The following ARHGAP31 variants were observed in gnomAD, a reference collection of about 807,000 sequenced individuals.
The protein encoded by ARHGAP31 is rho GTPase-activating protein 31.
Under a neutral mutation model 113.9 loss-of-function variants are expected in ARHGAP31, and 34 were observed. That is an observed-to-expected ratio of 0.30 (90% CI 0.23 to 0.40). The LOEUF (loss-of-function observed/expected upper bound fraction) is 0.40. Among genes scored for constraint, ARHGAP31 ranks in the 10% least tolerant of loss-of-function variants. The pLI is 1.00. For missense variants in ARHGAP31, 1,548 were observed against 1,767.1 expected, an observed-to-expected ratio of 0.88 and a Z score of 2.22; for synonymous variants, 650 against 684.8, an observed-to-expected ratio of 0.95 and a Z score of 0.79.
chr3:119,349,184 T>G, intron 1 of ARHGAP31, among the ~76,000 whole-genome samples: 1 of 152,176 alleles, frequency 6.6e-6, no homozygotes, highest in East Asian at 1.9e-4. Context: ...CTGTCAGAGA[T>G]ATGGAGAGAA....
intron 10 of ARHGAP31, among the ~76,000 whole-genome samples, chr3:119,403,619 T>A (rs141149933): frequency 0.015 from 2,352 of 152,250 alleles, 25 homozygotes; most frequent in Middle Eastern, 0.031. Flanking sequence ...CAAAGCATCA[T>A]GAAAGAGGTG....
chr3:119,300,853 AG>A (rs201935277), intron 1 of ARHGAP31, among the ~76,000 whole-genome samples: 1 of 138,138 alleles, frequency 7.2e-6, no homozygotes, highest in African/African-American at 2.6e-5. Context: ...AAAGAAAGAA[AG>A]AAAGAAAGAA....
At chr3:119,359,364 A>C (rs186108242) in intron 1 of ARHGAP31, among the ~76,000 whole-genome samples, 80 of 152,260 alleles carry the variant, frequency 5.3e-4, no homozygotes, top group African/African-American at 1.8e-3. Context: ...CTTAAAAGGA[A>C]ACTTTTCTCC....
chr3:119,415,788 A>G lies in ARHGAP31; in HGVS notation c.3859A>G (p.Thr1287Ala), dbSNP rs1188385348. The G allele has an allele frequency of 1.2e-6, 2 of 1,614,184 alleles. No homozygotes were observed. The highest frequency in any genetic ancestry group is 2.2e-5 in the East Asian group (1 of 44,888). Residue 1287 changes from threonine (T) to alanine (A), a missense_variant, in exon 12 of 12, where the codon ACC (threonine) becomes GCC (alanine). By Grantham distance (58) the Thr-to-Ala change is moderately conservative. Coordinates refer to ENST00000264245, the MANE Select transcript of ARHGAP31 (RefSeq NM_020754.4). ...TGCACCCTGCATGTGCGAGGGACCT[A>G]CCCTTTCTCCAGAACCAGGCTCGTC... ...ATAPCMCEGP[T>A]LSPEPGSSNL...
chr3:119,340,202 T>TA (rs1437749178), intron 1 of ARHGAP31, among the ~76,000 whole-genome samples: 1 of 152,172 alleles, frequency 6.6e-6, no homozygotes, highest in East Asian at 1.9e-4. Flanking sequence ...AAATGCAAAT[T>TA]AAAACCACAA....
chr3:119,396,235 T>C (rs2080549361), intron 8 of ARHGAP31, among the ~76,000 whole-genome samples: 2 of 152,186 alleles, frequency 1.3e-5, no homozygotes, highest in Non-Finnish European at 2.9e-5. Context: ...GACCTCAGAA[T>C]CGCCCACAGA....
intron 1 of ARHGAP31, among the ~76,000 whole-genome samples, chr3:119,356,970 A>G (rs1049974708): frequency 6.6e-6 from 1 of 152,210 alleles, no homozygotes; most frequent in Non-Finnish European, 1.5e-5. Flanking sequence ...GATATTGTCA[A>G]ATTGCCCTCC....
At chr3:119,362,680 A>G (rs1356010116) in intron 1 of ARHGAP31, among the ~76,000 whole-genome samples, 1 of 151,908 alleles carries the variant, frequency 6.6e-6, no homozygotes, top group African/African-American at 2.4e-5. Flanking sequence ...AGGCAGGAGA[A>G]TCACTTGAAA....
chr3:119,388,724 A>C (rs2080476408), intron 6 of ARHGAP31, among the ~76,000 whole-genome samples: 1 of 152,240 alleles, frequency 6.6e-6, no homozygotes, highest in African/African-American at 2.4e-5. Context: ...ATAAATAAGA[A>C]ATAACAACCC....
At chr3:119,342,922 A>G (rs1041808795) in intron 1 of ARHGAP31, among the ~76,000 whole-genome samples, 1 of 152,050 alleles carries the variant, frequency 6.6e-6, no homozygotes, top group African/African-American at 2.4e-5. Flanking sequence ...GCACTCCAGC[A>G]TGGGCAACAA....
Position 119,414,522 on chromosome 3 carries a change from A to C in ARHGAP31, c.2593A>C (p.Thr865Pro). 6.2e-7 allele frequency: 1 copy of C among 1,614,208 alleles called. No individual in the cohort carries two copies. The highest frequency in any genetic ancestry group is 1.1e-5 in the South Asian group (1 of 91,078). ...GAAAGGCTGTGGTTTTCCAAGCCCA[A>C]CCAGGGAGGTTGAGATCGTCTCACA... is the stretch of plus-strand genomic sequence containing the variant. Reference protein sequence around the residue: ...EGKGCGFPSPTREVEIVSQEE... With the variant: ...EGKGCGFPSPPREVEIVSQEE... Residue 865 changes from threonine to proline, a missense_variant, in exon 12 of 12, where the codon ACC (threonine) becomes CCC (proline). Transcript: ENST00000264245.
intron 3 of ARHGAP31, among the ~76,000 whole-genome samples, chr3:119,372,309 G>T (rs1167736592): frequency 1.4e-5 from 2 of 139,782 alleles, no homozygotes; most frequent in African/African-American, 2.7e-5. Flanking sequence ...TTGAGACAGA[G>T]TCTCACTCTT....
chr3:119,304,333 A>G (rs1257655667), intron 1 of ARHGAP31, among the ~76,000 whole-genome samples: 1 of 152,210 alleles, frequency 6.6e-6, no homozygotes, highest in Non-Finnish European at 1.5e-5. Context: ...CCAAGTGAGA[A>G]AGAACCATCA....
Position 119,390,840 on chromosome 3 carries a change from G to A in ARHGAP31, c.738G>A (p.Lys246=). The A allele has an allele frequency of 6.2e-7, 1 of 1,613,740 alleles. No individual in the cohort carries two copies. The highest frequency in any genetic ancestry group is 8.5e-7 in the Non-Finnish European group (1 of 1,180,040). ...TGCCAGCCCTCTCCCTGCCCATGAA[G>A]CTGGTGAGCCTTGAGGAAGCTCAAG... ...LTLPALSLPM[K]LVSLEEAQAR... Residue 246 remains lysine (K), a synonymous_variant, in exon 7 of 12, where the codon AAG becomes AAA. Coordinates refer to ENST00000264245, the MANE Select transcript of ARHGAP31 (RefSeq NM_020754.4).
intron 3 of ARHGAP31, among the ~76,000 whole-genome samples, chr3:119,368,813 G>C (rs778484516): frequency 2.0e-5 from 3 of 152,208 alleles, no homozygotes; most frequent in Non-Finnish European, 4.4e-5. Flanking sequence ...AACCCCAGAA[G>C]TAAAGTGTCT....
Position 119,414,022 on chromosome 3 carries a change from C to G in ARHGAP31, c.2093C>G (p.Pro698Arg), listed in dbSNP as rs369527452. The G allele has an allele frequency of 5.0e-6, 8 of 1,614,054 alleles. No individual in the cohort carries two copies. Among genetic ancestry groups the G allele is most frequent in the Non-Finnish European group, 5.9e-6 (7 of 1,180,036 alleles). ...CTGGGGCCCTTTATTCCCTCAGAGC[C>G]TCCTGGGAGCTTGCCTTGTGGCTCC... ...SSLGPFIPSE[P>R]PGSLPCGSFP... Residue 698 changes from proline to arginine, a missense_variant, in exon 12 of 12, where the codon CCT becomes CGT. Pro to Arg is a moderately radical substitution (Grantham distance 103). Coordinates refer to ENST00000264245, the MANE Select transcript of ARHGAP31 (RefSeq NM_020754.4).
Position 119,414,231 on chromosome 3 carries a change from A to G in ARHGAP31, c.2302A>G (p.Thr768Ala), listed in dbSNP as rs1433066963. 4.3e-6 allele frequency: 7 copies of G among 1,614,096 alleles called. No homozygotes were observed. The highest frequency in any genetic ancestry group is 5.9e-6 in the Non-Finnish European group (7 of 1,180,038). ...VPFEKASPQA[T>A]VEVGGPGNLS... ...TTTTGAGAAGGCATCTCCACAAGCA[A>G]CAGTGGAAGTAGGAGGCCCAGGCAA... The change falls in exon 12 of 12, where the codon ACA becomes GCA. Residue 768 changes from threonine (T) to alanine (A), a missense_variant. Physicochemically the swap from Thr to Ala is moderately conservative, Grantham distance 58. Transcript: ENST00000264245.
At chr3:119,302,111 A>T (rs2079589624) in intron 1 of ARHGAP31, among the ~76,000 whole-genome samples, 1 of 152,152 alleles carries the variant, frequency 6.6e-6, no homozygotes, top group Non-Finnish European at 1.5e-5. Flanking sequence ...TGTCCTACCC[A>T]ATTTCCTGAG....
Position 119,380,941 on chromosome 3 carries a change from C to T in ARHGAP31, c.386C>T (p.Ala129Val), listed in dbSNP as rs371169065. 11 of 1,613,978 alleles carry T rather than the reference C, an allele frequency of 6.8e-6. No individual in the cohort carries two copies. Among genetic ancestry groups the T allele is most frequent in the African/African-American group, 2.7e-5 (2 of 74,898 alleles). ...CATTGCCCTGAAGAAGGCCAACTGG[C>T]CCGAATCCAAAATGTTATCCAGGAG... ...VSHCPEEGQL[A>V]RIQNVIQELP... Residue 129 changes from alanine (A) to valine (V), a missense_variant, in exon 4 of 12, where the codon GCC (alanine) becomes GTC (valine). Physicochemically the swap from Ala to Val is moderately conservative, Grantham distance 64. Coordinates refer to ENST00000264245, the MANE Select transcript of ARHGAP31 (RefSeq NM_020754.4).
Sources: allele counts gnomAD v4.1 joint callset (sites outside exome capture counted in the v4.1 genomes callset), GRCh38; gene constraint gnomAD v4.1.1; transcripts MANE v1.5; gene names NCBI Gene and HGNC (gene_info 2026-07-23, HGNC 2026-07-21).